MIDEAS: variants seen among roughly 807,000 people sequenced by gnomAD.
The protein encoded by MIDEAS is mitotic deacetylase-associated SANT domain protein.
In MIDEAS, 26 loss-of-function variants were observed where a neutral mutation model predicts 102.7. The observed-to-expected ratio is 0.25, with a 90% CI of 0.19 to 0.35. The LOEUF is 0.35. Among genes scored for constraint, MIDEAS ranks in the 10% least tolerant of loss-of-function variants. The pLI is 1.00. For synonymous variants in MIDEAS, 585 were observed against 591.0 expected, an observed-to-expected ratio of 0.99 and a Z score of 0.15; for missense variants, 1,231 against 1,435.6, an observed-to-expected ratio of 0.86 and a Z score of 2.30.
intron 1 of MIDEAS, among the ~76,000 whole-genome samples, chr14:73,744,992 C>T (rs1057379140): frequency 6.6e-6 from 1 of 152,176 alleles, no homozygotes; most frequent in African/African-American, 2.4e-5. Context: ...GGTTGGCAGA[C>T]CGTTGTACCT....
intron 1 of MIDEAS, among the ~76,000 whole-genome samples, chr14:73,755,651 G>A (rs754150203): frequency 1.3e-5 from 2 of 152,196 alleles, no homozygotes; most frequent in Admixed American, 6.5e-5. Context: ...CTCAACCCTC[G>A]GCTGCAGGGC....
intron 1 of MIDEAS, among the ~76,000 whole-genome samples, chr14:73,784,210 C>T (rs927773739): frequency 3.3e-5 from 5 of 152,256 alleles, no homozygotes; most frequent in African/African-American, 7.2e-5. Flanking sequence ...GCAGCCAGGG[C>T]TGCTCAGGAG....
chr14:73,729,802 A>T lies in MIDEAS; in HGVS notation c.1933T>A (p.Ser645Thr), dbSNP rs1206633954. Residue 645 changes from serine (S) to threonine (T), a missense_variant, in exon 4 of 13, where the codon TCT becomes ACT. Ser to Thr is a moderately conservative substitution (Grantham distance 58). Transcript: ENST00000423556. ...GGAGGTAGCTCAAAGCTCCGCTCAG[A>T]GGGGTGGTCAGCTAGGCGCACGGGA... Reference protein sequence around the residue: ...RSPVRLADHPSERSFELPPYT... With the variant: ...RSPVRLADHPTERSFELPPYT... The T allele has an allele frequency of 6.2e-7, 1 of 1,613,688 alleles. No individual in the cohort carries two copies. The highest frequency in any genetic ancestry group is 1.1e-5 in the South Asian group (1 of 91,050).
rs33980532 is a variant in MIDEAS at position 73,720,236 on chromosome 14, CTTTTTTTT to C, written c.2938-743_2938-736del. ...AAGCATGAGTGTACTACACACATTC[CTTTTTTTT>C]TTTTTTTTTTTTGAGATGGAGTCTT... On this transcript the variant is annotated intron_variant, in intron 11 of 12. Coordinates refer to ENST00000423556, the MANE Select transcript of MIDEAS (RefSeq NM_001367710.1). 1.9e-4 allele frequency among the ~76,000 whole-genome samples: 22 copies of C among 116,766 alleles called. 1 individual carries two copies. The East Asian group carries it at 6.9e-3, about 37-fold the overall frequency. 76.6% of individuals were successfully genotyped at this position (116,766 alleles called of 152,430 possible).
At chr14:73,734,226 G>A (rs915624959) in intron 3 of MIDEAS, among the ~76,000 whole-genome samples, 4 of 151,940 alleles carry the variant, frequency 2.6e-5, no homozygotes, top group South Asian at 2.1e-4. Context: ...CTCGTGATCC[G>A]CCCACCATGG....
At chr14:73,719,088 C>T (rs958027960) in intron 12 of MIDEAS, 80 bp from the exon 13 acceptor site, 29 of 1,448,936 alleles carry the variant, frequency 2.0e-5, no homozygotes, top group Non-Finnish European at 2.5e-5. Flanking sequence ...GAGCCCCAGC[C>T]TTCACCTTCA....
intron 3 of MIDEAS, among the ~76,000 whole-genome samples, chr14:73,732,777 C>T (rs1466641777): frequency 6.9e-5 from 8 of 115,654 alleles, no homozygotes; most frequent in Admixed American, 9.8e-5. Flanking sequence ...CACAGTGAGA[C>T]TCCCTCTCAA....
chr14:73,776,040 C>G (rs1395952310), intron 1 of MIDEAS, among the ~76,000 whole-genome samples: 1 of 152,000 alleles, frequency 6.6e-6, no homozygotes, highest in African/African-American at 2.4e-5. Flanking sequence ...GAAACCAGAA[C>G]TCCAACTTCT....
At chr14:73,756,293 T>TGCGCGCGC (rs1245182607) in intron 1 of MIDEAS, among the ~76,000 whole-genome samples, 4 of 75,268 alleles carry the variant, frequency 5.3e-5, no homozygotes, top group East Asian at 1.2e-3. Context: ...TGTGTGTGTG[T>TGCGCGCGC]GTGCGCGCGC....
intron 1 of MIDEAS, among the ~76,000 whole-genome samples, chr14:73,780,941 T>TTTG (rs544293669): frequency 1.3e-4 from 20 of 152,154 alleles, no homozygotes; most frequent in Non-Finnish European, 2.5e-4. Flanking sequence ...TTTTTGTTTT[T>TTTG]TTGTTGTTGT....
At chr14:73,734,903 C>A (rs2053183826) in intron 3 of MIDEAS, among the ~76,000 whole-genome samples, 1 of 152,080 alleles carries the variant, frequency 6.6e-6, no homozygotes, top group South Asian at 2.1e-4. Flanking sequence ...AATAAATTAA[C>A]AAAATGGGGA....
chr14:73,780,813 T>C (rs1463315822), intron 1 of MIDEAS, among the ~76,000 whole-genome samples: 1 of 152,186 alleles, frequency 6.6e-6, no homozygotes, highest in African/African-American at 2.4e-5. Flanking sequence ...GTAGGAAACT[T>C]TGGGGGCTTT....
chr14:73,782,421 A>C (rs867163566), intron 1 of MIDEAS, among the ~76,000 whole-genome samples: 1 of 152,204 alleles, frequency 6.6e-6, no homozygotes, highest in South Asian at 2.1e-4. Context: ...GCTGGAGTGC[A>C]GTGGCATGCA....
intron 9 of MIDEAS, chr14:73,724,791 A>C (rs1424593539): frequency 6.1e-6 from 1 of 164,182 alleles, no homozygotes; most frequent in Non-Finnish European, 1.4e-5. Flanking sequence ...AGAGAGGACA[A>C]GATAAATCTA....
intron 1 of MIDEAS, among the ~76,000 whole-genome samples, chr14:73,743,792 C>T (rs1438448644): frequency 2.0e-5 from 3 of 152,118 alleles, no homozygotes; most frequent in African/African-American, 7.2e-5. Context: ...TGCAGGAACA[C>T]TGCAAAAGGA....
intron 3 of MIDEAS, among the ~76,000 whole-genome samples, chr14:73,732,717 C>T (rs772918769): frequency 1.4e-5 from 2 of 137,934 alleles, no homozygotes; most frequent in Admixed American, 8.4e-5. Context: ...ACCCAGAAGA[C>T]GGAGGTTGCA....
In MIDEAS at chr14:73,751,024, T is replaced by C. The variant is rs2053412705; in HGVS notation, c.-248+8739A>G. ...CACAGAAAGGTAGATATTATCATTATTATTTTTGTAGAGATGGAGTCTCAC... is the reference window on the plus strand; with the variant it reads ...CACAGAAAGGTAGATATTATCATTACTATTTTTGTAGAGATGGAGTCTCAC... On this transcript the variant is annotated intron_variant, in intron 1 of 12. Coordinates refer to ENST00000423556, the MANE Select transcript of MIDEAS (RefSeq NM_001367710.1). 2.6e-5 allele frequency among the ~76,000 whole-genome samples: 4 copies of C among 152,262 alleles called. 1 individual carries two copies. In the South Asian group the frequency reaches 8.3e-4, roughly 31 times the overall value.
rs374138739 is a variant in MIDEAS at position 73,719,504 on chromosome 14, G to T, written c.2938-3C>A. The T allele has an allele frequency of 6.2e-7, 1 of 1,612,790 alleles. No homozygotes were observed. Among genetic ancestry groups the T allele is most frequent in the Non-Finnish European group, 8.5e-7 (1 of 1,179,622 alleles). On this transcript the variant is annotated splice_region_variant and splice_polypyrimidine_tract_variant and intron_variant, in intron 11 of 12. Transcript: ENST00000423556. The stretch of plus-strand genomic sequence containing the variant: ...CGGAGGATGAGGATGTCACTGGCCT[G>T]AAGAAAATCAAACAAGGAGAGTTGA...
chr14:73,753,781 G>C (rs921584707), intron 1 of MIDEAS, among the ~76,000 whole-genome samples: 3 of 152,184 alleles, frequency 2.0e-5, no homozygotes, highest in African/African-American at 7.2e-5. Context: ...ACCCAGGAGA[G>C]AGAGGTCTGG....
Sources: allele counts gnomAD v4.1 joint callset (sites outside exome capture counted in the v4.1 genomes callset), GRCh38; gene constraint gnomAD v4.1.1; transcripts MANE v1.5; gene names NCBI Gene and HGNC (gene_info 2026-07-23, HGNC 2026-07-21).